EMP2: variants seen among roughly 807,000 people sequenced by gnomAD.
The protein encoded by EMP2 is epithelial membrane protein 2.
A neutral mutation model predicts 13.7 loss-of-function variants in EMP2; 19 were observed. The ratio of observed to expected loss-of-function variants is 1.38; its 90% CI spans 0.97 to 2.03. The LOEUF (loss-of-function observed/expected upper bound fraction) is 2.03. Ranked by LOEUF, EMP2 falls within the 30% of genes most tolerant of loss-of-function variation. The probability of loss-of-function intolerance (pLI) is 0.00; values close to 1 mark genes in which losing one functional copy is unlikely to be tolerated. For missense variants in EMP2, 253 were observed against 220.7 expected, an observed-to-expected ratio of 1.15 and a Z score of -0.93; for synonymous variants, 97 against 84.7, an observed-to-expected ratio of 1.15 and a Z score of -0.80.
At chr16:10,561,395 A>G (rs913089013) in intron 1 of EMP2, among the ~76,000 whole-genome samples, 5 of 152,204 alleles carry the variant, frequency 3.3e-5, no homozygotes, top group African/African-American at 1.2e-4. Context: ...AGACAAAGCC[A>G]CTGGTAGATG....
intron 4 of EMP2, among the ~76,000 whole-genome samples, chr16:10,536,527 AG>A (rs1174647607): frequency 6.6e-6 from 1 of 152,132 alleles, no homozygotes; most frequent in African/African-American, 2.4e-5. Flanking sequence ...CTGCCATGTA[AG>A]CCCTTTTGTT....
Position 10,531,516 on chromosome 16 carries a change from A to G in EMP2, c.*1389T>C. 1 of 147,406 alleles carries G rather than the reference A, an allele frequency of 6.8e-6. No individual in the cohort carries two copies. Among genetic ancestry groups the G allele is most frequent in the Non-Finnish European group, 1.5e-5 (1 of 67,204 alleles). The allele number at this position is 147,406 out of a possible 1,614,324, so 9.1% of individuals were successfully genotyped here. On this transcript the variant is annotated 3_prime_UTR_variant, in exon 5 of 5. Transcript: ENST00000359543. ...CAGCTCATTTTTGTATTTTTAGTAG[A>G]GACAGGTTTTACCATTTTGGCCAGG... is the stretch of plus-strand genomic sequence containing the variant.
Position 10,538,010 on chromosome 16 carries a change from G to T in EMP2, c.234C>A (p.Ala78=). 6.2e-7 allele frequency: 1 copy of T among 1,614,134 alleles called. No homozygotes were observed. Among genetic ancestry groups the T allele is most frequent in the Non-Finnish European group, 8.5e-7 (1 of 1,180,030 alleles). ...MILSTILCCI[A]FFIFVLQLFR... is the part of the protein sequence containing the mutation. ...AGAGCTGGAGCACGAAGATGAAGAAGGCGATGCAGCAGAGAATGGTGGAGA... is the reference window on the plus strand; with the variant it reads ...AGAGCTGGAGCACGAAGATGAAGAATGCGATGCAGCAGAGAATGGTGGAGA... Residue 78 remains alanine (A), a synonymous_variant, in exon 4 of 5, where the codon GCC becomes GCA. Coordinates refer to ENST00000359543, the MANE Select transcript of EMP2 (RefSeq NM_001424.6).
At chr16:10,550,917 C>T (rs376282810) in intron 1 of EMP2, among the ~76,000 whole-genome samples, 20 of 151,146 alleles carry the variant, frequency 1.3e-4, no homozygotes, top group Middle Eastern at 6.8e-3. Context: ...AGAGGTTGCA[C>T]TGAGCCAAGA....
chr16:10,559,267 G>A (rs560919375), intron 1 of EMP2: 1 of 152,576 alleles, frequency 6.6e-6, no homozygotes, highest in Admixed American at 6.5e-5. Flanking sequence ...GAAGGCAGAG[G>A]TCAGCCCAGC....
intron 3 of EMP2, among the ~76,000 whole-genome samples, chr16:10,542,870 G>A (rs941893716): frequency 6.6e-6 from 1 of 152,206 alleles, no homozygotes; most frequent in African/African-American, 2.4e-5. Flanking sequence ...TTTTGAGACA[G>A]GGTCTCACTC....
intron 1 of EMP2, among the ~76,000 whole-genome samples, chr16:10,579,449 C>T (rs1323179319): frequency 2.0e-5 from 3 of 152,122 alleles, no homozygotes; most frequent in Admixed American, 6.5e-5. Context: ...AATACCTTCA[C>T]GATACTGTGT....
rs117703751 is a variant in EMP2, at chr16:10,571,657, G to C, written c.-61+8892C>G. On this transcript the variant is annotated intron_variant, in intron 1 of 4. Transcript: ENST00000359543. ...TATCAGATCCTTCTGGATACGTATG[G>C]GAAACGGACTGCAAGGCCATAGTGG... 6.4e-3 allele frequency among the ~76,000 whole-genome samples: 979 copies of C among 152,336 alleles called. 2 individuals carry two copies. Among genetic ancestry groups the C allele is most frequent in the Non-Finnish European group, 9.8e-3 (668 of 68,024 alleles).
chr16:10,533,107 G>A lies in EMP2; in HGVS notation c.317-15C>T, dbSNP rs2050620922. 6.5e-7 allele frequency: 1 copy of A among 1,537,876 alleles called. No individual in the cohort carries two copies. The highest frequency in any genetic ancestry group is 8.8e-7 in the Non-Finnish European group (1 of 1,135,086). ...GACACACAGACCTGTCAGGAAGAAA[G>A]GTGAATTTTCAATAAATCATGGACC... is the stretch of plus-strand genomic sequence containing the variant. On this transcript the variant is annotated splice_polypyrimidine_tract_variant and intron_variant, in intron 4 of 4. Coordinates refer to ENST00000359543, the MANE Select transcript of EMP2 (RefSeq NM_001424.6).
intron 1 of EMP2, among the ~76,000 whole-genome samples, chr16:10,552,119 CTT>C (rs35463309): frequency 3.3e-4 from 36 of 108,128 alleles, no homozygotes; most frequent in South Asian, 4.7e-4. Flanking sequence ...GATGCATTCC[CTT>C]TTTTTTTTTT....
chr16:10,536,150 G>A (rs1248522460), intron 4 of EMP2, among the ~76,000 whole-genome samples: 1 of 152,218 alleles, frequency 6.6e-6, no homozygotes, highest in African/African-American at 2.4e-5. Flanking sequence ...GTGCCCCAAG[G>A]GGAGGGGACG....
chr16:10,532,413 G>A lies in EMP2; in HGVS notation c.*492C>T, dbSNP rs992820100. ...CACCTGCTTCTCACTTGGAACTTGG[G>A]TGAAACCTCTCAGGAAGCTGTCATT... On this transcript the variant is annotated 3_prime_UTR_variant, in exon 5 of 5. Transcript: ENST00000359543. 6.6e-6 allele frequency: 1 copy of A among 152,568 alleles called. No individual in the cohort carries two copies. The highest frequency in any genetic ancestry group is 2.4e-5 in the African/African-American group (1 of 41,446). The allele number at this position is 152,568 out of a possible 1,614,324, so 9.5% of individuals were successfully genotyped here. A position where few individuals can be genotyped will look rare whatever the true frequency, so the allele number is the denominator to read the frequency against.
At chr16:10,546,930 T>C (rs924345261) in intron 2 of EMP2, 1 of 152,230 alleles carries the variant, frequency 6.6e-6, no homozygotes, top group Non-Finnish European at 1.5e-5. Context: ...GAATCACAGA[T>C]GGGAGGACAA....
chr16:10,542,518 T>A (rs761315579), intron 3 of EMP2, among the ~76,000 whole-genome samples: 1 of 149,122 alleles, frequency 6.7e-6, no homozygotes, highest in Non-Finnish European at 1.5e-5. Context: ...GCCATAGTCA[T>A]ACTAAAAAAC....
chr16:10,571,925 C>G lies in EMP2; in HGVS notation c.-61+8624G>C, dbSNP rs145849313. Reference sequence around the variant, plus strand: ...ACCAGCCTGGTCCACTGCTGTCAGCCTCTCCTGGGCTCTAGGCCCTGGGCT... The same window carrying G: ...ACCAGCCTGGTCCACTGCTGTCAGCGTCTCCTGGGCTCTAGGCCCTGGGCT... On this transcript the variant is annotated intron_variant, in intron 1 of 4. Coordinates refer to ENST00000359543, the MANE Select transcript of EMP2 (RefSeq NM_001424.6). Among the ~76,000 whole-genome samples the G allele has an allele frequency of 2.1e-3, 315 of 152,318 alleles. 1 individual carries two copies. Among genetic ancestry groups the G allele is most frequent in the African/African-American group, 7.1e-3 (297 of 41,586 alleles).
chr16:10,543,500 C>T (rs530033105), intron 3 of EMP2, 70 bp downstream of exon 3: 16 of 1,559,934 alleles, frequency 1.0e-5, no homozygotes, highest in African/African-American at 5.4e-5. Context: ...TCGGGGAACC[C>T]GAAGCCTCAC....
chr16:10,542,155 C>T (rs913659313), intron 3 of EMP2, among the ~76,000 whole-genome samples: 1 of 152,022 alleles, frequency 6.6e-6, no homozygotes, highest in African/African-American at 2.4e-5. Context: ...CCTCCTCCTC[C>T]TTTAGGCTGA....
At chr16:10,538,516 G>A (rs1026473619) in intron 3 of EMP2, among the ~76,000 whole-genome samples, 2 of 152,198 alleles carry the variant, frequency 1.3e-5, no homozygotes, top group African/African-American at 4.8e-5. Context: ...GTGACCTTGT[G>A]AGGTGCTCTG....
chr16:10,566,402 G>A (rs532139347), intron 1 of EMP2, among the ~76,000 whole-genome samples: 1 of 152,298 alleles, frequency 6.6e-6, no homozygotes, highest in Non-Finnish European at 1.5e-5. Flanking sequence ...GAACTAAGCT[G>A]CAGACCTGCT....
Sources: gnomAD v4.1 joint callset for allele counts (sites outside exome capture counted in the v4.1 genomes callset) on GRCh38, gnomAD v4.1.1 for gene constraint, MANE v1.5 for transcripts, NCBI Gene and HGNC (gene_info 2026-07-23, HGNC 2026-07-21) for gene names.